Variants in NDST4 observed in about 807,000 individuals in gnomAD.
The protein encoded by NDST4 is N-deacetylase and N-sulfotransferase 4.
In NDST4, 63 loss-of-function variants were observed where a neutral mutation model predicts 100.8. The ratio of observed to expected loss-of-function variants is 0.62; its 90% CI spans 0.51 to 0.77. The LOEUF (loss-of-function observed/expected upper bound fraction) is 0.77. Ranked by LOEUF, NDST4 falls within the 30% of genes least tolerant of loss-of-function variation. The probability of loss-of-function intolerance (pLI) is 0.00; values close to 1 mark genes in which losing one functional copy is unlikely to be tolerated. For missense variants in NDST4, 943 were observed against 1,018.4 expected (o/e 0.93, Z 1.01); for synonymous variants, 377 against 361.8 (o/e 1.04, Z -0.48).
chr4:114,892,928 T>C (rs1724630415), intron 6 of NDST4, among the ~76,000 whole-genome samples: 1 of 152,148 alleles, frequency 6.6e-6, no homozygotes, highest in South Asian at 2.1e-4. Flanking sequence ...TGGTGTGTAT[T>C]GTTCCCCTCT....
At chr4:115,106,083 T>C (rs1729827521) in intron 1 of NDST4, among the ~76,000 whole-genome samples, 2 of 152,090 alleles carry the variant, frequency 1.3e-5, no homozygotes, top group Non-Finnish European at 2.9e-5. Flanking sequence ...AGCAATTACA[T>C]CATAAGGTAA....
intron 4 of NDST4, among the ~76,000 whole-genome samples, chr4:114,954,885 C>A (rs151017920): frequency 1.3e-5 from 2 of 152,048 alleles, no homozygotes; most frequent in African/African-American, 2.4e-5. Flanking sequence ...GTTGTTCGAA[C>A]ATGTGTAGCC....
chr4:115,025,542 A>G (rs1203719238), intron 2 of NDST4, among the ~76,000 whole-genome samples: 1 of 152,180 alleles, frequency 6.6e-6, no homozygotes, highest in Non-Finnish European at 1.5e-5. Flanking sequence ...AGGAAAATTT[A>G]AATTTATTAG....
In NDST4 at chr4:114,992,742, C is replaced by T. The variant is rs188316624; in HGVS notation, c.979-15468G>A. Among the ~76,000 whole-genome samples, 26 of 151,842 alleles carry T rather than the reference C, an allele frequency of 1.7e-4. No homozygotes were observed. In the East Asian group the frequency reaches 4.3e-3, roughly 25 times the overall value. ...ATTTAACTTTTACAATAATTCTATG[C>T]ACATTTATTTCACAGATAAGTTTTA... On this transcript the variant is annotated intron_variant, in intron 2 of 13. Transcript: ENST00000264363.
intron 2 of NDST4, among the ~76,000 whole-genome samples, chr4:114,999,087 T>C (rs1727227304): frequency 6.6e-6 from 1 of 152,122 alleles, no homozygotes; most frequent in South Asian, 2.1e-4. Flanking sequence ...ATTAGGTACA[T>C]GATGCATATT....
chr4:114,953,905 G>A (rs1726079339), intron 4 of NDST4, among the ~76,000 whole-genome samples: 1 of 152,102 alleles, frequency 6.6e-6, no homozygotes, highest in Non-Finnish European at 1.5e-5. Flanking sequence ...GCTATAAAAT[G>A]CCATCCATAA....
At position 115,080,379 on chromosome 4, in the gene NDST4, C is replaced by G. The variant is rs376981381; in HGVS notation, c.-246-3097G>C. On this transcript the variant is annotated intron_variant, in intron 1 of 13. Coordinates refer to ENST00000264363, the MANE Select transcript of NDST4 (RefSeq NM_022569.3). The stretch of plus-strand genomic sequence containing the variant: ...CTCAAACTCCTGACCTCAGGTGATC[C>G]ACCCACCTCGGCCTCCCAAAATGCT... Among the ~76,000 whole-genome samples the G allele has an allele frequency of 1.1e-4, 16 of 152,224 alleles. No homozygotes were observed. In the South Asian group the frequency reaches 1.4e-3, roughly 14 times the overall value.
intron 2 of NDST4, among the ~76,000 whole-genome samples, chr4:115,019,548 T>A (rs1320842676): frequency 6.6e-6 from 1 of 152,136 alleles, no homozygotes; most frequent in Non-Finnish European, 1.5e-5. Flanking sequence ...GAACTCAGTA[T>A]GTACGAGGCC....
Position 115,108,483 on chromosome 4 carries a change from T to C in NDST4, c.-247+4961A>G, listed in dbSNP as rs1729877036. Among the ~76,000 whole-genome samples the C allele has an allele frequency of 2.6e-5, 4 of 151,984 alleles. No homozygotes were observed. The South Asian group carries it at 8.3e-4, about 31-fold the overall frequency. On this transcript the variant is annotated intron_variant, in intron 1 of 13. Transcript: ENST00000264363. ...TGGCAGTTGGCCTTTGGGTTGCTTA[T>C]GAATGTTAATATCCTTAAACTACTA...
intron 2 of NDST4, among the ~76,000 whole-genome samples, chr4:115,051,274 G>A (rs1268204929): frequency 1.3e-5 from 2 of 151,968 alleles, no homozygotes; most frequent in East Asian, 3.9e-4. Flanking sequence ...ATAAACATCT[G>A]TAAATTTTAC....
rs537664183 is a variant in NDST4, at chr4:114,852,791, T to G, written c.1750A>C (p.Ile584Leu). The G allele has an allele frequency of 9.5e-5, 153 of 1,612,680 alleles. 5 individuals are homozygous for G. In the South Asian group the frequency reaches 1.6e-3, roughly 17 times the overall value. Residue 584 changes from isoleucine to leucine, a missense_variant, in exon 8 of 14, where the codon ATC (isoleucine) becomes CTC (leucine). Transcript: ENST00000264363. ...NPCDDKRHKD[I>L]WSREKTCDHL... Reference sequence around the variant, plus strand: ...TCACAAGTTTTCTCTCTGGACCAGATGTCTTTGTGTCGTTTATCATCACAT... The same window carrying G: ...TCACAAGTTTTCTCTCTGGACCAGAGGTCTTTGTGTCGTTTATCATCACAT...
intron 1 of NDST4, among the ~76,000 whole-genome samples, chr4:115,095,772 T>C (rs1298108773): frequency 6.6e-6 from 1 of 152,176 alleles, no homozygotes; most frequent in African/African-American, 2.4e-5. Context: ...ATGCATCCTC[T>C]TAAATGTTTC....
chr4:114,944,566 T>C (rs1725819014), intron 4 of NDST4, among the ~76,000 whole-genome samples: 1 of 152,204 alleles, frequency 6.6e-6, no homozygotes, highest in Non-Finnish European at 1.5e-5. Flanking sequence ...GCATCTGATG[T>C]GTTGCAAATA....
chr4:115,038,688 T>C (rs918492301), intron 2 of NDST4, among the ~76,000 whole-genome samples: 3 of 152,174 alleles, frequency 2.0e-5, no homozygotes, highest in African/African-American at 4.8e-5. Context: ...TTATAAGAAA[T>C]GTTGTGGGCT....
chr4:114,983,071 T>C (rs996240427), intron 2 of NDST4, among the ~76,000 whole-genome samples: 7 of 152,204 alleles, frequency 4.6e-5, no homozygotes, highest in Non-Finnish European at 8.8e-5. Flanking sequence ...AGAGGATGTA[T>C]TGAAATTCCT....
At position 115,097,822 on chromosome 4, in the gene NDST4, C is replaced by T. The variant is rs1047829791; in HGVS notation, c.-247+15622G>A. Reference sequence around the variant, plus strand: ...CTACCAAGTATTCTACTACATCTTCCCTACTGGGCCTCTCTATATTCTCCA... The same window carrying T: ...CTACCAAGTATTCTACTACATCTTCTCTACTGGGCCTCTCTATATTCTCCA... On this transcript the variant is annotated intron_variant, in intron 1 of 13. Transcript: ENST00000264363. Among the ~76,000 whole-genome samples, 4 of 152,264 alleles carry T rather than the reference C, an allele frequency of 2.6e-5. No homozygotes were observed. In the East Asian group the frequency reaches 7.7e-4, roughly 29 times the overall value.
chr4:114,854,330 G>C (rs1723744119), intron 7 of NDST4, among the ~76,000 whole-genome samples: 1 of 152,198 alleles, frequency 6.6e-6, no homozygotes, highest in Non-Finnish European at 1.5e-5. Flanking sequence ...TGGCTGAATA[G>C]TACTTCATTG....
intron 6 of NDST4, among the ~76,000 whole-genome samples, chr4:114,932,751 A>T (rs943742847): frequency 6.6e-6 from 1 of 152,054 alleles, no homozygotes; most frequent in African/African-American, 2.4e-5. Context: ...TCAAAAAAAT[A>T]CTTAGGAATA....
chr4:115,036,105 T>C (rs1728227928), intron 2 of NDST4, among the ~76,000 whole-genome samples: 3 of 151,864 alleles, frequency 2.0e-5, no homozygotes, highest in Non-Finnish European at 2.9e-5. Flanking sequence ...ATAGGTAATG[T>C]AGTAACACAA....
Sources: allele counts gnomAD v4.1 joint callset (sites outside exome capture counted in the v4.1 genomes callset), GRCh38; gene constraint gnomAD v4.1.1; transcripts MANE v1.5; gene names NCBI Gene and HGNC (gene_info 2026-07-23, HGNC 2026-07-21).